CPLX1: variants seen among roughly 807,000 people sequenced by gnomAD.
CPLX1 encodes the protein complexin-1.
In CPLX1, 6 loss-of-function variants were observed where a neutral mutation model predicts 15.6. The observed-to-expected ratio is 0.39, with a 90% CI of 0.21 to 0.76. CPLX1 has a LOEUF of 0.76. Ranked by LOEUF, CPLX1 falls within the 30% of genes least tolerant of loss-of-function variation. The pLI is 0.43. For synonymous variants in CPLX1, 91 were observed against 75.2 expected (o/e 1.21, Z -1.08); for missense variants, 242 against 188.6 (o/e 1.28, Z -1.66).
chr4:820,197 G>C (rs1238034145), intron 2 of CPLX1, among the ~76,000 whole-genome samples: 1 of 150,334 alleles, frequency 6.7e-6, no homozygotes, highest in Non-Finnish European at 1.5e-5. Flanking sequence ...CGTCCTCCCG[G>C]ACCCAGCTCA....
chr4:787,550 C>A (rs562909927), intron 3 of CPLX1: 1 of 661,192 alleles, frequency 1.5e-6, no homozygotes, highest in Non-Finnish European at 1.9e-6. Flanking sequence ...ACAGAAAGGA[C>A]AGACACCCGG....
intron 3 of CPLX1, among the ~76,000 whole-genome samples, chr4:789,812 C>T (rs1308199611): frequency 6.6e-6 from 1 of 152,216 alleles, no homozygotes; most frequent in African/African-American, 2.4e-5. Flanking sequence ...AGCTCAGCGT[C>T]TCTTCTCTAA....
At chr4:795,854 A>T (rs899090991) in intron 2 of CPLX1, among the ~76,000 whole-genome samples, 3 of 151,490 alleles carry the variant, frequency 2.0e-5, no homozygotes, top group Non-Finnish European at 4.4e-5. Context: ...GGCCCTGCTG[A>T]GACTCCACCG....
At chr4:788,387 G>A (rs551373447) in intron 3 of CPLX1, 8 of 985,402 alleles carry the variant, frequency 8.1e-6, no homozygotes, top group East Asian at 1.1e-4. Flanking sequence ...AGGGCGCCAC[G>A]TTCCCAGCCG....
At chr4:797,080 AAC>A (rs1746356845) in intron 2 of CPLX1, among the ~76,000 whole-genome samples, 2 of 152,222 alleles carry the variant, frequency 1.3e-5, no homozygotes, top group African/African-American at 4.8e-5. Context: ...ACCCCTGCAC[AAC>A]ACACAGACAC....
At chr4:824,318 G>A (rs976114948) in intron 2 of CPLX1, among the ~76,000 whole-genome samples, 174 bp downstream of exon 2, 40 of 152,232 alleles carry the variant, frequency 2.6e-4, no homozygotes, top group Admixed American at 9.2e-4. Flanking sequence ...GGGCCGGGCT[G>A]GGGGCGCTGC....
chr4:814,990 G>A (rs1243597831), intron 2 of CPLX1, among the ~76,000 whole-genome samples: 1 of 152,196 alleles, frequency 6.6e-6, no homozygotes, highest in Non-Finnish European at 1.5e-5. Flanking sequence ...CCAAAACAGA[G>A]CTCAGAGACA....
intron 2 of CPLX1, among the ~76,000 whole-genome samples, chr4:814,446 CA>C (rs1386995174): frequency 6.6e-6 from 1 of 152,174 alleles, no homozygotes; most frequent in Non-Finnish European, 1.5e-5. Flanking sequence ...CTCCTGACCT[CA>C]GGTGATTCAC....
chr4:791,772 C>T (rs1002123862), intron 3 of CPLX1, among the ~76,000 whole-genome samples: 9 of 152,170 alleles, frequency 5.9e-5, no homozygotes, highest in Non-Finnish European at 8.8e-5. Flanking sequence ...AGGCAGCACC[C>T]CAGGCCCCTT....
intron 2 of CPLX1, among the ~76,000 whole-genome samples, chr4:818,510 G>A (rs564883077): frequency 1.3e-5 from 2 of 152,252 alleles, no homozygotes; most frequent in African/African-American, 4.8e-5. Flanking sequence ...CAGCAACTCT[G>A]GTGGCTTTGC....
intron 2 of CPLX1, among the ~76,000 whole-genome samples, chr4:823,726 G>A (rs1746916811): frequency 6.6e-6 from 1 of 152,218 alleles, no homozygotes; most frequent in African/African-American, 2.4e-5. Context: ...CATGGCCCAG[G>A]CCCTGCCCAC....
intron 2 of CPLX1, among the ~76,000 whole-genome samples, chr4:821,757 C>T (rs1746867179): frequency 6.6e-6 from 1 of 152,220 alleles, no homozygotes; most frequent in Non-Finnish European, 1.5e-5. Context: ...GAGCGATCAC[C>T]CCGGCAGCCA....
intron 2 of CPLX1, among the ~76,000 whole-genome samples, chr4:816,611 T>C (rs1415942514): frequency 4.6e-5 from 7 of 152,158 alleles, no homozygotes; most frequent in South Asian, 2.1e-4. Flanking sequence ...TTTATACTTA[T>C]TATTTGAATT....
chr4:821,750 C>T (rs1038625920), intron 2 of CPLX1, among the ~76,000 whole-genome samples: 8 of 152,212 alleles, frequency 5.3e-5, no homozygotes, highest in African/African-American at 1.9e-4. Flanking sequence ...CCCCCACGAG[C>T]GATCACCCCG....
chr4:808,793 G>T (rs1746603968), intron 2 of CPLX1, among the ~76,000 whole-genome samples: 2 of 152,214 alleles, frequency 1.3e-5, no homozygotes, highest in Non-Finnish European at 2.9e-5. Flanking sequence ...GAAATGGATT[G>T]TCTTTAAAAC....
At chr4:788,073 G>C (rs547435215) in intron 3 of CPLX1, 1 of 985,418 alleles carries the variant, frequency 1.0e-6, no homozygotes, top group Non-Finnish European at 1.2e-6. Flanking sequence ...TCTACAGGAC[G>C]GAGGAGCACA....
intron 3 of CPLX1, among the ~76,000 whole-genome samples, chr4:790,085 T>G (rs528525030): frequency 5.1e-4 from 76 of 149,750 alleles, no homozygotes; most frequent in South Asian, 4.7e-3. Flanking sequence ...CCCCAACAGG[T>G]GGCCACGCCT....
intron 2 of CPLX1, among the ~76,000 whole-genome samples, chr4:800,477 A>T (rs752495164): frequency 4.6e-4 from 67 of 146,812 alleles, no homozygotes; most frequent in Non-Finnish European, 6.6e-4. Flanking sequence ...TCTACTAAAA[A>T]ATATATATAT....
In CPLX1 at chr4:786,596, C is replaced by T. The variant is rs1745998532; in HGVS notation, c.310G>A (p.Gly104Ser). 7.4e-6 allele frequency: 12 copies of T among 1,612,190 alleles called. No homozygotes were observed. Among genetic ancestry groups the T allele is most frequent in the Non-Finnish European group, 1.0e-5 (12 of 1,179,312 alleles). Residue 104 changes from glycine to serine, a missense_variant, in exon 4 of 4, where the codon GGC becomes AGC. Coordinates refer to ENST00000304062, the MANE Select transcript of CPLX1 (RefSeq NM_006651.4). ...LTRPKKAIPP[G>S]CGDEVEEEDE... The stretch of plus-strand genomic sequence containing the variant: ...TCCTCCTCCACCTCGTCCCCGCAGC[C>T]CGGCGGGATGGCCTTCTTGGGCCGC...
Sources: gnomAD v4.1 joint callset for allele counts (sites outside exome capture counted in the v4.1 genomes callset) on GRCh38, gnomAD v4.1.1 for gene constraint, MANE v1.5 for transcripts, NCBI Gene and HGNC (gene_info 2026-07-23, HGNC 2026-07-21) for gene names.